HADHA: variants seen among roughly 807,000 people sequenced by gnomAD.
The protein encoded by HADHA is hydroxyacyl-CoA dehydrogenase trifunctional multienzyme complex subunit alpha, also known as trifunctional enzyme subunit alpha, mitochondrial.
Under a neutral mutation model 91.3 loss-of-function variants are expected in HADHA, and 59 were observed. The ratio of observed to expected loss-of-function variants is 0.65; its 90% CI spans 0.52 to 0.80. The LOEUF (loss-of-function observed/expected upper bound fraction) is 0.80, where lower values mean the gene tolerates loss of function less well. HADHA is among the 30% of genes least tolerant of loss of function. HADHA has a pLI of 0.00. For synonymous variants in HADHA, 320 were observed against 338.9 expected, an observed-to-expected ratio of 0.94 and a Z score of 0.61; for missense variants, 800 against 927.6, an observed-to-expected ratio of 0.86 and a Z score of 1.79.
At chr2:26,231,702 C>A (rs941631337) in intron 6 of HADHA, among the ~76,000 whole-genome samples, 8 of 152,106 alleles carry the variant, frequency 5.3e-5, no homozygotes, top group African/African-American at 1.9e-4. Flanking sequence ...CATGGTGGTT[C>A]ATGCCTGTAG....
chr2:26,234,358 G>A lies in HADHA; in HGVS notation c.315-3C>T, dbSNP rs372292123. On this transcript the variant is annotated splice_region_variant and splice_polypyrimidine_tract_variant and intron_variant, in intron 4 of 19. Coordinates refer to ENST00000380649, the MANE Select transcript of HADHA (RefSeq NM_000182.5). Reference sequence around the variant, plus strand: ...GGGTCTTGCAAGCGGCTAACATGCTGCATTATCCATAAAAGTAGAGAACAG... The same window carrying A: ...GGGTCTTGCAAGCGGCTAACATGCTACATTATCCATAAAAGTAGAGAACAG... 3.7e-6 allele frequency: 6 copies of A among 1,611,108 alleles called. No individual in the cohort carries two copies. In the African/African-American group the frequency reaches 4.0e-5, roughly 11 times the overall value.
rs1354812666 is a variant in HADHA at position 26,190,737 on chromosome 2, C to CACTT, written c.*509_*512dup. 1.0e-5 allele frequency: 2 copies of CACTT among 200,592 alleles called. No individual in the cohort carries two copies. The highest frequency in any genetic ancestry group is 4.7e-5 in the African/African-American group (2 of 42,812). The allele number at this position is 200,592 out of a possible 1,614,324, so 12.4% of individuals were successfully genotyped here. On this transcript the variant is annotated 3_prime_UTR_variant, in exon 20 of 20. Transcript: ENST00000380649. The stretch of plus-strand genomic sequence containing the variant: ...GTGTGTGGTTGAGCCCACCAGGTCC[C>CACTT]ACTTTCTCTCATCCCAGTCCCTCCC...
chr2:26,193,387 C>G (rs1336369558), intron 17 of HADHA, among the ~76,000 whole-genome samples, 190 bp downstream of exon 17: 1 of 150,966 alleles, frequency 6.6e-6, no homozygotes, highest in African/African-American at 2.4e-5. Context: ...CCTCAGCCTC[C>G]TAAGCAGCTA....
intron 7 of HADHA, among the ~76,000 whole-genome samples, chr2:26,227,707 G>A (rs955372903): frequency 6.6e-6 from 1 of 152,076 alleles, no homozygotes; most frequent in Non-Finnish European, 1.5e-5. Context: ...AGTGGCATAT[G>A]CCTCGTAATC....
At chr2:26,194,942 A>C in intron 15 of HADHA, 150 bp downstream of exon 15, 1 of 789,998 alleles carries the variant, frequency 1.3e-6, no homozygotes. Flanking sequence ...GGGACAGTCA[A>C]TACCACCGTC....
At chr2:26,195,596 G>A (rs186713400) in intron 14 of HADHA, among the ~76,000 whole-genome samples, 1 of 149,316 alleles carries the variant, frequency 6.7e-6, no homozygotes, top group East Asian at 2.0e-4. Context: ...CAGTTTTTTT[G>A]GGCGGGGGTG....
chr2:26,196,484 C>T (rs1241119061), intron 14 of HADHA, among the ~76,000 whole-genome samples: 1 of 152,150 alleles, frequency 6.6e-6, no homozygotes, highest in Non-Finnish European at 1.5e-5. Flanking sequence ...TCCATATAAT[C>T]ACTAACCCAA....
At chr2:26,195,028 G>C in intron 15 of HADHA, 64 bp downstream of exon 15, 1 of 1,257,094 alleles carries the variant, frequency 8.0e-7, no homozygotes, top group Non-Finnish European at 1.2e-6. Context: ...AACAAGCCTG[G>C]AGGTAAAAGG....
At chr2:26,242,363 T>C (rs1238921196) in intron 1 of HADHA, among the ~76,000 whole-genome samples, 1 of 152,212 alleles carries the variant, frequency 6.6e-6, no homozygotes, top group Non-Finnish European at 1.5e-5. Context: ...TATAAATTGC[T>C]ATTAAGGGAT....
chr2:26,236,378 CTCTGTGTGTGTG>C (rs1309549332), intron 4 of HADHA, among the ~76,000 whole-genome samples: 14 of 41,418 alleles, frequency 3.4e-4, no homozygotes, highest in Admixed American at 7.1e-4. Flanking sequence ...TATATATATA[CTCTGTGTGTGTG>C]TGTGTGTGTG....
At chr2:26,212,129 C>A (rs1670115328) in intron 10 of HADHA, 2 of 173,480 alleles carry the variant, frequency 1.2e-5, no homozygotes, top group Non-Finnish European at 2.5e-5. Flanking sequence ...GTCACCCAGG[C>A]TGGAATGCAG....
intron 14 of HADHA, among the ~76,000 whole-genome samples, chr2:26,196,648 CCTTA>C (rs1429704837): frequency 6.6e-6 from 1 of 152,038 alleles, no homozygotes; most frequent in Non-Finnish European, 1.5e-5. Flanking sequence ...GTCTTTTTGG[CCTTA>C]CTTTTAAATG....
Position 26,239,149 on chromosome 2 carries a change from A to G in HADHA, c.68-6T>C, listed in dbSNP as rs1189036836. ...AAAATTGCGGCATATATAACCTGTAAGAAAAGACATTTCAAAATTAATTTG... is the reference window on the plus strand; with the variant it reads ...AAAATTGCGGCATATATAACCTGTAGGAAAAGACATTTCAAAATTAATTTG... On this transcript the variant is annotated splice_polypyrimidine_tract_variant and splice_region_variant and intron_variant, in intron 1 of 19. Coordinates refer to ENST00000380649, the MANE Select transcript of HADHA (RefSeq NM_000182.5). 1 of 1,585,850 alleles carries G rather than the reference A, an allele frequency of 6.3e-7. No homozygotes were observed. Among genetic ancestry groups the G allele is most frequent in the South Asian group, 1.1e-5 (1 of 90,396 alleles).
At chr2:26,212,755 G>A in intron 9 of HADHA, 129 bp from the exon 10 acceptor site, 1 of 750,886 alleles carries the variant, frequency 1.3e-6, no homozygotes, top group Non-Finnish European at 2.5e-6. Context: ...GAATGAGAAA[G>A]AGAAGAGGAC....
intron 7 of HADHA, among the ~76,000 whole-genome samples, chr2:26,224,044 GC>G (rs1056671773): frequency 1.3e-5 from 2 of 152,204 alleles, no homozygotes; most frequent in African/African-American, 4.8e-5. Flanking sequence ...ACTGCACCTG[GC>G]CGGAATGGGA....
rs183297747 is a variant in HADHA at position 26,232,166 on chromosome 2, G to A, written c.567C>T (p.Pro189=). The A allele has an allele frequency of 2.8e-4, 457 of 1,610,398 alleles. 1 individual carries two copies. Among genetic ancestry groups the A allele is most frequent in the Non-Finnish European group, 1.2e-4 (141 of 1,176,736 alleles). The change falls in exon 6 of 20, where the codon CCC becomes CCT. Residue 189 remains proline (P), a synonymous_variant. Coordinates refer to ENST00000380649, the MANE Select transcript of HADHA (RefSeq NM_000182.5). ...LPGAGGTQRL[P]KMVGVPAALD... Reference sequence around the variant, plus strand: ...AAGGGGATGTTAGACTCACCATTTTGGGCAGCCTTTGTGTGCCTCCTGCTC... The same window carrying A: ...AAGGGGATGTTAGACTCACCATTTTAGGCAGCCTTTGTGTGCCTCCTGCTC...
At chr2:26,232,790 C>A (rs866113363) in intron 5 of HADHA, among the ~76,000 whole-genome samples, 1 of 152,120 alleles carries the variant, frequency 6.6e-6, no homozygotes, top group African/African-American at 2.4e-5. Flanking sequence ...AGAAATGTAC[C>A]ATTAGGAAAT....
intron 4 of HADHA, among the ~76,000 whole-genome samples, chr2:26,236,418 G>GTATA (rs200007418): frequency 0.045 from 5,370 of 119,368 alleles, 199 homozygotes; most frequent in Middle Eastern, 0.069. Flanking sequence ...GTGTGTGTGT[G>GTATA]TGTATATACT....
At chr2:26,237,134 C>CA in intron 3 of HADHA, 146 bp from the exon 4 acceptor site, 1 of 729,538 alleles carries the variant, frequency 1.4e-6, no homozygotes, top group East Asian at 2.6e-5. Flanking sequence ...ATCATTCTCC[C>CA]AGCAAGTCAG....
Sources: allele counts gnomAD v4.1 joint callset (sites outside exome capture counted in the v4.1 genomes callset), GRCh38; gene constraint gnomAD v4.1.1; transcripts MANE v1.5; gene names NCBI Gene and HGNC (gene_info 2026-07-23, HGNC 2026-07-21).